Variants in FYN observed in about 807,000 individuals in gnomAD.
The protein encoded by FYN is tyrosine-protein kinase Fyn.
FYN carries 10 observed loss-of-function variants against 70.2 expected under a neutral mutation model. The ratio of observed to expected loss-of-function variants is 0.14; its 90% CI spans 0.09 to 0.24. The LOEUF is 0.24. FYN is among the 10% of genes least tolerant of loss of function. The pLI, the probability that FYN is intolerant of heterozygous loss-of-function variation, is 1.00. For synonymous variants in FYN, 236 were observed against 248.6 expected (o/e 0.95, Z 0.48); for missense variants, 319 against 673.1 (o/e 0.47, Z 5.82).
chr6:111,839,632 G>A (rs1773294506), intron 2 of FYN, among the ~76,000 whole-genome samples: 1 of 152,108 alleles, frequency 6.6e-6, no homozygotes, highest in South Asian at 2.1e-4. Context: ...GTGATATAAA[G>A]GCAATGTATC....
At position 111,703,988 on chromosome 6, in the gene FYN, C is replaced by G. The variant is rs191726748; in HGVS notation, c.547+11G>C. Reference sequence around the variant, plus strand: ...GAATGACAAGCCAACTTCTTCAACTCGTTATCTTACCTTTGGTGGTTTCAC... The same window carrying G: ...GAATGACAAGCCAACTTCTTCAACTGGTTATCTTACCTTTGGTGGTTTCAC... On this transcript the variant is annotated intron_variant, in intron 7 of 13. Coordinates refer to ENST00000354650, the MANE Select transcript of FYN (RefSeq NM_002037.5). 16 of 1,603,846 alleles carry G rather than the reference C, an allele frequency of 1.0e-5. 2 individuals carry two copies. The South Asian group carries it at 1.4e-4, about 14-fold the overall frequency.
At chr6:111,749,882 A>G (rs545393248) in intron 3 of FYN, among the ~76,000 whole-genome samples, 4 of 152,240 alleles carry the variant, frequency 2.6e-5, no homozygotes, top group African/African-American at 9.6e-5. Context: ...GACCTACATG[A>G]TGGAAAACTC....
intron 2 of FYN, among the ~76,000 whole-genome samples, chr6:111,783,693 T>C (rs1195405185): frequency 6.6e-6 from 1 of 152,258 alleles, no homozygotes; most frequent in African/African-American, 2.4e-5. Flanking sequence ...AATATAGTTC[T>C]CATCTGCATG....
At position 111,716,617 on chromosome 6, in the gene FYN, G is replaced by A. The variant is rs899350569; in HGVS notation, c.248-2174C>T. 2.0e-5 allele frequency among the ~76,000 whole-genome samples: 3 copies of A among 151,396 alleles called. 1 individual carries two copies. The South Asian group carries it at 6.3e-4, about 32-fold the overall frequency. ...AAATGTCTAACTAAGTGCCATACTC[G>A]TCTGGGTAAGATTTGGGAAACATAA... On this transcript the variant is annotated intron_variant, in intron 4 of 13. Transcript: ENST00000354650.
Position 111,694,838 on chromosome 6 carries a change from G to A in FYN, c.1043-134C>T. ...TGCCATCCACATGGGGGGACAAAAA[G>A]GTTTATATAAAAAAGCAGGGTAGAA... On this transcript the variant is annotated intron_variant, in intron 10 of 13. Coordinates refer to ENST00000354650, the MANE Select transcript of FYN (RefSeq NM_002037.5). The surrounding 1 kb of genome is among the most constrained non-coding windows in gnomAD (Gnocchi z 5.0). 1.4e-6 allele frequency: 1 copy of A among 717,260 alleles called. No individual in the cohort carries two copies. The highest frequency in any genetic ancestry group is 2.2e-6 in the Non-Finnish European group (1 of 444,762). The allele number at this position is 717,260 out of a possible 1,614,324, so 44.4% of individuals were successfully genotyped here.
intron 3 of FYN, among the ~76,000 whole-genome samples, chr6:111,775,871 T>C (rs1770916093): frequency 6.6e-6 from 1 of 152,176 alleles, no homozygotes; most frequent in South Asian, 2.1e-4. Context: ...GGCTCTCTGG[T>C]GGGATTCTCC....
intron 1 of FYN, among the ~76,000 whole-genome samples, chr6:111,847,905 A>G (rs1773576971): frequency 1.3e-5 from 2 of 152,240 alleles, no homozygotes; most frequent in Admixed American, 6.5e-5. Flanking sequence ...ATGCCATTGC[A>G]GCTCATGCCT....
chr6:111,693,767 G>A (rs1325975269), intron 12 of FYN, among the ~76,000 whole-genome samples: 1 of 152,078 alleles, frequency 6.6e-6, no homozygotes, highest in Non-Finnish European at 1.5e-5. Flanking sequence ...GAGCTCCTGT[G>A]ACCTCTACTT....
At position 111,764,216 on chromosome 6, in the gene FYN, C is replaced by CAAA. The variant is rs11409465; in HGVS notation, c.-12+16347_-12+16349dup. Among the ~76,000 whole-genome samples, 155 of 58,354 alleles carry CAAA rather than the reference C, an allele frequency of 2.7e-3. 4 individuals carry two copies. Among genetic ancestry groups the CAAA allele is most frequent in the Middle Eastern group, 0.016 (1 of 64 alleles). The allele number at this position is 58,354 out of a possible 152,430, so 38.3% of individuals were successfully genotyped here. A position where few individuals can be genotyped will look rare whatever the true frequency, so the allele number is the denominator to read the frequency against. The stretch of plus-strand genomic sequence containing the variant: ...AAATTGGTCACTGGATTTTGTCAAG[C>CAAA]AAAAAAAAAAAAAAAAGAAAAGAAA... On this transcript the variant is annotated intron_variant, in intron 3 of 13. Transcript: ENST00000354650.
intron 13 of FYN, among the ~76,000 whole-genome samples, chr6:111,666,805 C>T (rs1798031535): frequency 1.3e-5 from 2 of 152,146 alleles, no homozygotes; most frequent in South Asian, 4.1e-4. Context: ...TGCACTCCAG[C>T]CTGGGTGACA....
At chr6:111,699,708 T>A in intron 9 of FYN, 1 of 1,584,970 alleles carries the variant, frequency 6.3e-7, no homozygotes, top group East Asian at 2.2e-5. Flanking sequence ...ACACAGTCCT[T>A]ATAATCCATA....
intron 2 of FYN, among the ~76,000 whole-genome samples, chr6:111,816,996 GAAT>G (rs1269312941): frequency 6.6e-6 from 1 of 152,108 alleles, no homozygotes; most frequent in Non-Finnish European, 1.5e-5. Flanking sequence ...ATGTCACCAT[GAAT>G]AAATTAACAG....
chr6:111,715,466 C>T (rs539187266), intron 4 of FYN, among the ~76,000 whole-genome samples: 1 of 152,266 alleles, frequency 6.6e-6, no homozygotes, highest in Admixed American at 6.5e-5. Context: ...TGAGTGTGGG[C>T]TGGATCTAAC....
At chr6:111,760,102 G>A (rs2128493348) in intron 3 of FYN, among the ~76,000 whole-genome samples, 1 of 151,898 alleles carries the variant, frequency 6.6e-6, no homozygotes, top group East Asian at 1.9e-4. Flanking sequence ...ATCACGATAT[G>A]CGTCACCCAT....
At chr6:111,817,248 C>A (rs568050187) in intron 2 of FYN, among the ~76,000 whole-genome samples, 5 of 151,944 alleles carry the variant, frequency 3.3e-5, no homozygotes, top group Admixed American at 3.3e-4. Context: ...ACATAGCAAC[C>A]ACATATTTTC....
rs929743764 is a variant in FYN, at chr6:111,661,102, A to C, written c.*637T>G. 3 of 152,212 alleles carry C rather than the reference A, an allele frequency of 2.0e-5. No individual in the cohort carries two copies. Among genetic ancestry groups the C allele is most frequent in the African/African-American group, 7.2e-5 (3 of 41,428 alleles). 9.4% of individuals were successfully genotyped at this position (152,212 alleles called of 1,614,324 possible). On this transcript the variant is annotated 3_prime_UTR_variant, in exon 14 of 14. Transcript: ENST00000354650. The surrounding 1 kb of genome is among the most constrained non-coding windows in gnomAD (Gnocchi z 4.0). ...AAAATGAGGCCACTGGTGTTTTCAGAATAACACCGGTGCTTTGATGCTGAC... is the reference window on the plus strand; with the variant it reads ...AAAATGAGGCCACTGGTGTTTTCAGCATAACACCGGTGCTTTGATGCTGAC...
intron 2 of FYN, among the ~76,000 whole-genome samples, chr6:111,812,772 T>A (rs1269356746): frequency 6.6e-6 from 1 of 151,978 alleles, no homozygotes; most frequent in Non-Finnish European, 1.5e-5. Flanking sequence ...CAGCCTCAAC[T>A]GCAAATTCTT....
intron 3 of FYN, among the ~76,000 whole-genome samples, chr6:111,739,114 A>G (rs929295148): frequency 3.9e-5 from 6 of 152,174 alleles, no homozygotes; most frequent in African/African-American, 1.4e-4. Flanking sequence ...CAAAGTACCA[A>G]TGACCATGTT....
At chr6:111,800,402 GGGAC>G (rs1424801209) in intron 2 of FYN, among the ~76,000 whole-genome samples, 2 of 152,146 alleles carry the variant, frequency 1.3e-5, no homozygotes, top group Non-Finnish European at 2.9e-5. Context: ...GAGGCTCTGT[GGGAC>G]GAGTCCTCAC....
Sources: gnomAD v4.1 joint callset for allele counts (sites outside exome capture counted in the v4.1 genomes callset) on GRCh38, gnomAD v4.1.1 for gene constraint, Gnocchi (gnomAD v3.1) non-coding constraint, MANE v1.5 for transcripts, NCBI Gene and HGNC (gene_info 2026-07-23, HGNC 2026-07-21) for gene names.